Variants in ASPH observed in about 807,000 individuals in gnomAD.
ASPH encodes the protein aspartyl/asparaginyl beta-hydroxylase.
Under a neutral mutation model 118.4 loss-of-function variants are expected in ASPH, and 100 were observed. The ratio of observed to expected loss-of-function variants is 0.84; its 90% CI spans 0.72 to 1.00. The LOEUF is 1.00. ASPH is among the 50% of genes least tolerant of loss of function. ASPH has a pLI of 0.00. For synonymous variants in ASPH, 315 were observed against 325.6 expected (o/e 0.97, Z 0.35); for missense variants, 920 against 919.5 (o/e 1.00, Z -0.01).
At chr8:61,655,153 G>T (rs1812980304) in intron 3 of ASPH, among the ~76,000 whole-genome samples, 1 of 152,178 alleles carries the variant, frequency 6.6e-6, no homozygotes, top group Non-Finnish European at 1.5e-5. Context: ...ATTGCTCAAT[G>T]AACACTTGTT....
intron 15 of ASPH, chr8:61,578,095 G>C (rs1323700880): frequency 1.2e-5 from 12 of 1,014,446 alleles, no homozygotes; most frequent in African/African-American, 3.3e-5. Flanking sequence ...AGATACAATG[G>C]GGGTACAGGT....
chr8:61,526,349 C>G (rs576945461), intron 21 of ASPH, among the ~76,000 whole-genome samples: 1 of 152,308 alleles, frequency 6.6e-6, no homozygotes, highest in East Asian at 1.9e-4. Flanking sequence ...CTCCTAGAAA[C>G]TTCACAGAAT....
At chr8:61,547,888 T>G (rs1055146419) in intron 21 of ASPH, among the ~76,000 whole-genome samples, 183 bp downstream of exon 21, 2 of 152,198 alleles carry the variant, frequency 1.3e-5, no homozygotes, top group African/African-American at 4.8e-5. Context: ...ACAAATTCCC[T>G]TCATCATCTA....
intron 13 of ASPH, among the ~76,000 whole-genome samples, chr8:61,627,336 A>T (rs535346537): frequency 1.3e-5 from 2 of 152,218 alleles, no homozygotes; most frequent in Non-Finnish European, 1.5e-5. Context: ...TGCAAAAACA[A>T]ATGTGTGTGT....
chr8:61,626,179 C>T, intron 13 of ASPH: 7 of 1,373,828 alleles, frequency 5.1e-6, no homozygotes, highest in Non-Finnish European at 6.6e-6. Flanking sequence ...TTGATCTGCT[C>T]AGTAATTGCT....
chr8:61,579,303 C>T (rs1349559405), intron 15 of ASPH: 18 of 1,614,010 alleles, frequency 1.1e-5, no homozygotes, highest in South Asian at 3.3e-5. Context: ...TGCCCTGCAG[C>T]GGGCCAAGCA....
chr8:61,625,125 T>C (rs1225415110), intron 13 of ASPH: 1 of 985,598 alleles, frequency 1.0e-6, no homozygotes, highest in Non-Finnish European at 1.2e-6. Flanking sequence ...TTGCTTATAG[T>C]TGCTCATGGT....
At chr8:61,584,632 C>CTTCTTTCTTTCT (rs200609344) in intron 14 of ASPH, among the ~76,000 whole-genome samples, 31 of 75,096 alleles carry the variant, frequency 4.1e-4, no homozygotes, top group Non-Finnish European at 1.1e-3. Flanking sequence ...TCTTTCTTTC[C>CTTCTTTCTTTCT]TTCTTTCTTT....
At chr8:61,675,965 A>T in intron 3 of ASPH, 1 of 1,526,740 alleles carries the variant, frequency 6.5e-7, no homozygotes, top group Non-Finnish European at 8.7e-7. Flanking sequence ...GCACGGTAAG[A>T]TCACAACCAC....
chr8:61,515,333 G>A (rs1356065870), intron 24 of ASPH, among the ~76,000 whole-genome samples: 5 of 152,238 alleles, frequency 3.3e-5, no homozygotes, highest in South Asian at 4.1e-4. Flanking sequence ...GACCCAAACC[G>A]AGTTCCCAGT....
At chr8:61,508,949 T>C (rs1055372247) in intron 24 of ASPH, among the ~76,000 whole-genome samples, 6 of 152,200 alleles carry the variant, frequency 3.9e-5, no homozygotes, top group Non-Finnish European at 5.9e-5. Flanking sequence ...TCAGACTCCA[T>C]TGAAAGCCCT....
At chr8:61,582,150 A>G (rs531256721) in intron 15 of ASPH, among the ~76,000 whole-genome samples, 137 of 152,332 alleles carry the variant, frequency 9.0e-4, no homozygotes, top group African/African-American at 3.2e-3. Flanking sequence ...TTGTTTCAGA[A>G]GCAAGAATTG....
intron 20 of ASPH, among the ~76,000 whole-genome samples, chr8:61,550,882 A>G: frequency 6.6e-6 from 1 of 152,190 alleles, no homozygotes; most frequent in East Asian, 1.9e-4. Flanking sequence ...AACATGAGAA[A>G]ACCAGATCTC....
intron 14 of ASPH, among the ~76,000 whole-genome samples, chr8:61,605,558 G>A (rs1168512452): frequency 6.6e-6 from 1 of 152,266 alleles, no homozygotes. Flanking sequence ...CTACTGTACT[G>A]CAAGAATTTT....
chr8:61,615,183 C>T (rs527862745), intron 14 of ASPH, among the ~76,000 whole-genome samples: 3 of 152,258 alleles, frequency 2.0e-5, no homozygotes, highest in Non-Finnish European at 2.9e-5. Context: ...TACCAGCAAT[C>T]GCCTCCTTGT....
chr8:61,625,603 AAAAT>A (rs1852475700), intron 13 of ASPH: 3 of 981,176 alleles, frequency 3.1e-6, no homozygotes, highest in African/African-American at 3.5e-5. Flanking sequence ...CTCATTTAAA[AAAAT>A]AAATAAATGA....
intron 14 of ASPH, among the ~76,000 whole-genome samples, chr8:61,605,110 G>T (rs1490259141): frequency 2.0e-5 from 3 of 152,134 alleles, no homozygotes. Context: ...ACTTGTAGAT[G>T]TTTGTTTTCA....
rs553826196 is a variant in ASPH at position 61,595,959 on chromosome 8, C to A, written c.977-11930G>T. ...GAAGATAGATCCACCCCACCCACCC[C>A]CACTGTCACTGATGCCCCAGTGTGC... On this transcript the variant is annotated intron_variant, in intron 14 of 24. Coordinates refer to ENST00000379454, the MANE Select transcript of ASPH (RefSeq NM_004318.4). Among the ~76,000 whole-genome samples the A allele has an allele frequency of 2.5e-3, 387 of 152,246 alleles. 2 individuals are homozygous for A. The highest frequency in any genetic ancestry group is 9.0e-3 in the African/African-American group (374 of 41,546).
chr8:61,553,988 G>A (rs7826395), intron 19 of ASPH, among the ~76,000 whole-genome samples: 1 of 152,096 alleles, frequency 6.6e-6, no homozygotes, highest in Non-Finnish European at 1.5e-5. Context: ...TCACTCAGGA[G>A]AGGAAGGGAG....
Sources: allele counts gnomAD v4.1 joint callset (sites outside exome capture counted in the v4.1 genomes callset), GRCh38; gene constraint gnomAD v4.1.1; transcripts MANE v1.5; gene names NCBI Gene and HGNC (gene_info 2026-07-23, HGNC 2026-07-21).